NYAP2: variants seen among roughly 807,000 people sequenced by gnomAD.
NYAP2 encodes the protein neuronal tyrosine-phosphorylated phosphoinositide-3-kinase adaptor 2.
A neutral mutation model predicts 50.4 loss-of-function variants in NYAP2; 23 were observed. The observed-to-expected ratio is 0.46, with a 90% CI of 0.33 to 0.65. The LOEUF (loss-of-function observed/expected upper bound fraction) is 0.65, where lower values mean the gene tolerates loss of function less well. NYAP2 is among the 30% of genes least tolerant of loss of function. The pLI is 0.02. For synonymous variants in NYAP2, 394 were observed against 365.2 expected, an observed-to-expected ratio of 1.08 and a Z score of -0.90; for missense variants, 885 against 861.0, an observed-to-expected ratio of 1.03 and a Z score of -0.35.
rs577807922 is a variant in NYAP2 at position 225,575,749 on chromosome 2, G to A, written c.524-6192G>A. ...TCTTACTGAATGAGAACATATGTAGGTATAGGGAGAAAAAGAATTTATAGA... is the reference window on the plus strand; with the variant it reads ...TCTTACTGAATGAGAACATATGTAGATATAGGGAGAAAAAGAATTTATAGA... On this transcript the variant is annotated intron_variant, in intron 4 of 6. Transcript: ENST00000636099. Among the ~76,000 whole-genome samples, 11 of 152,262 alleles carry A rather than the reference G, an allele frequency of 7.2e-5. No homozygotes were observed. The South Asian group carries it at 2.1e-3, about 29-fold the overall frequency.
chr2:225,446,073 C>G (rs966816664), intron 3 of NYAP2, among the ~76,000 whole-genome samples: 3 of 151,612 alleles, frequency 2.0e-5, no homozygotes, highest in Non-Finnish European at 4.4e-5. Context: ...CTCAGCTACT[C>G]TGGAGGCTAA....
At chr2:225,640,333 ATG>A (rs1327787081) in intron 6 of NYAP2, among the ~76,000 whole-genome samples, 1 of 152,162 alleles carries the variant, frequency 6.6e-6, no homozygotes, top group South Asian at 2.1e-4. Flanking sequence ...CATGTTACAC[ATG>A]TGTTTTTGTT....
At chr2:225,660,510 A>AT in the NYAP2 span, among the ~76,000 whole-genome samples, 15 of 131,158 alleles carry the variant, frequency 1.1e-4, no homozygotes, top group South Asian at 2.4e-4. Context: ...TTAAATGCCT[A>AT]TTTTTTTTAA....
the NYAP2 span, among the ~76,000 whole-genome samples, chr2:225,676,294 ACATCTTTAATT>A: frequency 6.6e-6 from 1 of 152,086 alleles, no homozygotes; most frequent in East Asian, 1.9e-4. Flanking sequence ...TCAGACATTT[ACATCTTTAATT>A]CATCTTTAAT....
At chr2:225,531,252 C>G (rs1161678896) in intron 4 of NYAP2, among the ~76,000 whole-genome samples, 1 of 152,178 alleles carries the variant, frequency 6.6e-6, no homozygotes, top group African/African-American at 2.4e-5. Context: ...ACAAACCATG[C>G]TTGTTCCTGC....
intron 3 of NYAP2, among the ~76,000 whole-genome samples, chr2:225,476,328 G>C (rs1690105896): frequency 6.6e-6 from 1 of 151,778 alleles, no homozygotes. Flanking sequence ...CAGGAGAACG[G>C]CGTGAACCCG....
intron 3 of NYAP2, among the ~76,000 whole-genome samples, chr2:225,480,987 T>G (rs541088165): frequency 6.6e-6 from 1 of 152,226 alleles, no homozygotes; most frequent in South Asian, 2.1e-4. Context: ...AACAAGAGTC[T>G]CAAGAACATA....
chr2:225,491,167 C>G (rs1251527250), intron 3 of NYAP2, among the ~76,000 whole-genome samples: 5 of 152,098 alleles, frequency 3.3e-5, no homozygotes, highest in Admixed American at 2.6e-4. Context: ...AAATTCCTGG[C>G]TACAGAAGGG....
chr2:225,519,362 G>A (rs1308861728), intron 4 of NYAP2, among the ~76,000 whole-genome samples: 1 of 151,390 alleles, frequency 6.6e-6, no homozygotes, highest in Non-Finnish European at 1.5e-5. Context: ...ATGCTGGTGT[G>A]CTGCACCCAT....
At chr2:225,672,495 A>G in the NYAP2 span, among the ~76,000 whole-genome samples, 1 of 152,174 alleles carries the variant, frequency 6.6e-6, no homozygotes, top group African/African-American at 2.4e-5. Context: ...AACTTTCTCC[A>G]TATCAGCAAG....
At chr2:225,627,003 T>C (rs1300692355) in exon 6 of NYAP2, 3 of 1,591,370 alleles carry the variant, frequency 1.9e-6, no homozygotes, top group Non-Finnish European at 2.6e-6. Context: ...CCATGGGGCG[T>C]CTTCCTCCAG....
chr2:225,497,591 C>G (rs1317875319), intron 3 of NYAP2, among the ~76,000 whole-genome samples: 1 of 152,146 alleles, frequency 6.6e-6, no homozygotes, highest in Non-Finnish European at 1.5e-5. Context: ...TGAATAAAAC[C>G]TGACCTGGGT....
At chr2:225,661,206 T>C in the NYAP2 span, among the ~76,000 whole-genome samples, 2 of 152,244 alleles carry the variant, frequency 1.3e-5, no homozygotes, top group Non-Finnish European at 1.5e-5. Flanking sequence ...CCAACTTAAA[T>C]TGCATGTGCA....
At chr2:225,585,291 G>A (rs1344182437) in intron 5 of NYAP2, among the ~76,000 whole-genome samples, 2 of 152,166 alleles carry the variant, frequency 1.3e-5, no homozygotes, top group East Asian at 3.9e-4. Flanking sequence ...GTGAGACAAT[G>A]GGATTTCCTC....
the NYAP2 span, among the ~76,000 whole-genome samples, chr2:225,671,443 A>G: frequency 6.6e-6 from 1 of 152,124 alleles, no homozygotes; most frequent in Non-Finnish European, 1.5e-5. Flanking sequence ...GATTGCTGCA[A>G]TTCAGTTACT....
the NYAP2 span, among the ~76,000 whole-genome samples, chr2:225,681,071 A>G: frequency 0.02 from 3,062 of 152,252 alleles, 104 homozygotes; most frequent in African/African-American, 0.069. Context: ...TATAACCCAA[A>G]AATTTACTGC....
intron 3 of NYAP2, among the ~76,000 whole-genome samples, chr2:225,420,339 A>C (rs147960124): frequency 2.1e-4 from 32 of 152,312 alleles, no homozygotes; most frequent in African/African-American, 7.7e-4. Flanking sequence ...ATTTAGGCTA[A>C]AGTTAAAGAG....
intron 3 of NYAP2, among the ~76,000 whole-genome samples, chr2:225,413,898 G>T (rs191628274): frequency 6.6e-6 from 1 of 152,270 alleles, no homozygotes; most frequent in East Asian, 1.9e-4. Flanking sequence ...AGGCATTGAT[G>T]ATAATTCTCT....
Position 225,582,379 on chromosome 2 carries a change from A to G in NYAP2, c.962A>G (p.Asp321Gly). Reference sequence around the variant, plus strand: ...TGCCCCCCCAAGGGGCTGCTTTGCGACATCCCTCCGCCCTTCCCCAACCTG... The same window carrying G: ...TGCCCCCCCAAGGGGCTGCTTTGCGGCATCCCTCCGCCCTTCCCCAACCTG... The change falls in exon 5 of 7, where the codon GAC (aspartate) becomes GGC (glycine). Residue 321 changes from aspartate (D) to glycine (G), a missense_variant. Asp to Gly is a moderately conservative substitution (Grantham distance 94). Coordinates refer to ENST00000636099, the Ensembl canonical transcript of NYAP2. This position sits in a 1 kb window ranked among gnomAD's most constrained non-coding sequence, Gnocchi z 7.0. The G allele has an allele frequency of 6.2e-7, 1 of 1,611,190 alleles. No homozygotes were observed. Among genetic ancestry groups the G allele is most frequent in the Non-Finnish European group, 8.5e-7 (1 of 1,177,792 alleles).
Sources: allele counts gnomAD v4.1 joint callset (sites outside exome capture counted in the v4.1 genomes callset), GRCh38; gene constraint gnomAD v4.1.1; non-coding constraint Gnocchi (gnomAD v3.1); transcripts MANE v1.5; gene names NCBI Gene and HGNC (gene_info 2026-07-23, HGNC 2026-07-21).